CYP26B1: variants seen among roughly 807,000 people sequenced by gnomAD.
The protein encoded by CYP26B1 is cytochrome P450 family 26 subfamily B member 1.
CYP26B1 carries 8 observed loss-of-function variants against 39.1 expected under a neutral mutation model. The observed-to-expected ratio is 0.20, with a 90% confidence interval of 0.12 to 0.37. The LOEUF is 0.37. Among genes scored for constraint, CYP26B1 ranks in the 10% least tolerant of loss-of-function variants. CYP26B1 has a pLI of 1.00. For missense variants in CYP26B1, 615 were observed against 707.0 expected (o/e 0.87, Z 1.48); for synonymous variants, 321 against 314.3 (o/e 1.02, Z -0.23).
chr2:72,139,231 G>C (rs745829269), intron 2 of CYP26B1, among the ~76,000 whole-genome samples: 1 of 152,214 alleles, frequency 6.6e-6, no homozygotes, highest in African/African-American at 2.4e-5. Flanking sequence ...AGCCACCGGA[G>C]CCTCGGCCTG....
rs1676559991 is a variant in CYP26B1, at chr2:72,131,141, T to G, written c.*1086A>C. 1 of 152,596 alleles carries G rather than the reference T, an allele frequency of 6.6e-6. No individual in the cohort carries two copies. The highest frequency in any genetic ancestry group is 1.5e-5 in the Non-Finnish European group (1 of 68,072). The allele number at this position is 152,596 out of a possible 1,614,324, so 9.5% of individuals were successfully genotyped here. On this transcript the variant is annotated 3_prime_UTR_variant, in exon 6 of 6. Transcript: ENST00000001146. ...TGAACAGGGGCCAAACAGGAAATCG[T>G]GGCCGCCTCCAAATCTACCTGATCA...
intron 2 of CYP26B1, 60 bp from the exon 3 acceptor site, chr2:72,135,479 C>T (rs1676744965): frequency 5.6e-6 from 9 of 1,593,694 alleles, no homozygotes; most frequent in Non-Finnish European, 7.7e-6. Context: ...TGGCCAGCCC[C>T]TCACTCTGCC....
intron 1 of CYP26B1, 159 bp from the exon 2 acceptor site, chr2:72,144,372 G>A (rs1293545543): frequency 7.7e-6 from 11 of 1,436,906 alleles, no homozygotes; most frequent in Non-Finnish European, 1.0e-5. Context: ...TTCATAGCGT[G>A]CACAAGAACT....
intron 1 of CYP26B1, among the ~76,000 whole-genome samples, chr2:72,146,904 A>G (rs1677137187): frequency 1.3e-5 from 2 of 152,096 alleles, no homozygotes; most frequent in Admixed American, 1.3e-4. Flanking sequence ...TGCGGCATCT[A>G]ACAAGCACAC....
chr2:72,130,836 T>TTC lies in CYP26B1; in HGVS notation c.*1389_*1390dup, dbSNP rs1676546948. 6.6e-6 allele frequency: 1 copy of TTC among 152,124 alleles called. No individual in the cohort carries two copies. Among genetic ancestry groups the TTC allele is most frequent in the Admixed American group, 6.5e-5 (1 of 15,280 alleles). 9.4% of individuals were successfully genotyped at this position (152,124 alleles called of 1,614,324 possible). On this transcript the variant is annotated 3_prime_UTR_variant, in exon 6 of 6. Transcript: ENST00000001146. ...CTCTTCAGCTTCAGCTGCGGCAGCC[T>TTC]TCCCGCAGCTGTCCGGAGACCACAC...
At position 72,143,977 on chromosome 2, in the gene CYP26B1, C is replaced by T; in HGVS notation, c.429+12G>A. 6.2e-7 allele frequency: 1 copy of T among 1,613,198 alleles called. No individual in the cohort carries two copies. Among genetic ancestry groups the T allele is most frequent in the Non-Finnish European group, 8.5e-7 (1 of 1,179,948 alleles). On this transcript the variant is annotated intron_variant, in intron 2 of 5. Transcript: ENST00000001146. ...GAGGGATTGCGCGGAAGAAAACGGG[C>T]AGAGTTCTTACCTTGCGCTTGTTGC...
Position 72,135,171 on chromosome 2 carries a change from G to A in CYP26B1, c.678C>T (p.Val226=), listed in dbSNP as rs534646511. 19 of 1,613,976 alleles carry A rather than the reference G, an allele frequency of 1.2e-5. No homozygotes were observed. Among genetic ancestry groups the A allele is most frequent in the Middle Eastern group, 1.7e-4 (1 of 6,052 alleles). The part of the protein sequence containing the change: ...QFVDNVFSLP[V]DLPFSGYRRG... ...GCCGGTAGCCACTGAAGGGCAGGTC[G>A]ACAGGCAGGGAGAAGACATTGTCCA... Residue 226 remains valine (V), a synonymous_variant, in exon 3 of 6, where the codon GTC becomes GTT. Coordinates refer to ENST00000001146, the MANE Select transcript of CYP26B1 (RefSeq NM_019885.4).
At chr2:72,134,955 G>T (rs1157156171) in intron 3 of CYP26B1, 39 bp from the exon 4 acceptor site, 2 of 1,610,952 alleles carry the variant, frequency 1.2e-6, no homozygotes. Flanking sequence ...GGAAGGGCAG[G>T]CTCCCATCTG....
intron 2 of CYP26B1, among the ~76,000 whole-genome samples, chr2:72,136,572 G>A (rs186896248): frequency 4.6e-4 from 70 of 152,318 alleles, no homozygotes; most frequent in Non-Finnish European, 4.1e-4. Flanking sequence ...GGAGGCCGGC[G>A]AGGGGCAGAG....
Position 72,144,449 on chromosome 2 carries a change from G to A in CYP26B1, c.205-236C>T, listed in dbSNP as rs1572931035. ...GGAGGCCCAGGGGCACCCCCAGGAG[G>A]CTGTTTTTTGGTAATGACTTTCGAG... is the stretch of plus-strand genomic sequence containing the variant. On this transcript the variant is annotated intron_variant, in intron 1 of 5. Coordinates refer to ENST00000001146, the MANE Select transcript of CYP26B1 (RefSeq NM_019885.4). The A allele has an allele frequency of 4.5e-6, 6 of 1,324,430 alleles. No individual in the cohort carries two copies. In the East Asian group the frequency reaches 1.1e-4, roughly 25 times the overall value. The allele number at this position is 1,324,430 out of a possible 1,614,324, so 82.0% of individuals were successfully genotyped here.
intron 2 of CYP26B1, among the ~76,000 whole-genome samples, chr2:72,135,634 C>T (rs539224006): frequency 7.6e-4 from 116 of 152,272 alleles, no homozygotes; most frequent in Admixed American, 3.1e-3. Flanking sequence ...CAGAGCAGGG[C>T]GGCTGCCCTT....
At chr2:72,133,392 C>T (rs907832276) in intron 4 of CYP26B1, 85 bp from the exon 5 acceptor site, 19 of 1,514,930 alleles carry the variant, frequency 1.3e-5, no homozygotes, top group Admixed American at 3.9e-5. Flanking sequence ...GCCCGTGTGC[C>T]CAGGTCATCT....
chr2:72,146,715 C>T (rs1041353260), intron 1 of CYP26B1, among the ~76,000 whole-genome samples: 1 of 152,210 alleles, frequency 6.6e-6, no homozygotes, highest in African/African-American at 2.4e-5. Context: ...ATACACCTCC[C>T]GCAGTTACTG....
Position 72,130,966 on chromosome 2 carries a change from G to C in CYP26B1, c.*1261C>G, listed in dbSNP as rs956333543. On this transcript the variant is annotated 3_prime_UTR_variant, in exon 6 of 6. Coordinates refer to ENST00000001146, the MANE Select transcript of CYP26B1 (RefSeq NM_019885.4). The stretch of plus-strand genomic sequence containing the variant: ...GCTGGGCTAAGCAGACAGTGGCATA[G>C]AGGTGGAAGGGACTTCAAGGACACC... 1 of 152,686 alleles carries C rather than the reference G, an allele frequency of 6.5e-6. No homozygotes were observed. The highest frequency in any genetic ancestry group is 1.5e-5 in the Non-Finnish European group (1 of 68,160). The allele number at this position is 152,686 out of a possible 1,614,324, so 9.5% of individuals were successfully genotyped here.
At chr2:72,136,914 C>T (rs1676795437) in intron 2 of CYP26B1, among the ~76,000 whole-genome samples, 1 of 152,180 alleles carries the variant, frequency 6.6e-6, no homozygotes, top group Admixed American at 6.5e-5. Flanking sequence ...TTACAGATAG[C>T]AGAGAGCCAC....
intron 2 of CYP26B1, among the ~76,000 whole-genome samples, chr2:72,138,273 GC>G (rs1168775653): frequency 1.3e-5 from 2 of 152,162 alleles, no homozygotes; most frequent in Non-Finnish European, 2.9e-5. Flanking sequence ...AACAACACAG[GC>G]ACTTCCCAAA....
intron 1 of CYP26B1, among the ~76,000 whole-genome samples, chr2:72,144,958 C>G (rs1183659561): frequency 6.6e-6 from 1 of 152,164 alleles, no homozygotes; most frequent in African/African-American, 2.4e-5. Flanking sequence ...CGGCCGGACT[C>G]TCGAAACGGC....
At position 72,143,988 on chromosome 2, in the gene CYP26B1, C is replaced by T. The variant is rs1366892417; in HGVS notation, c.429+1G>A. 6.2e-7 allele frequency: 1 copy of T among 1,613,324 alleles called. No individual in the cohort carries two copies. Among genetic ancestry groups the T allele is most frequent in the African/African-American group, 1.3e-5 (1 of 74,952 alleles). On this transcript the variant is annotated splice_donor_variant, in intron 2 of 5. Transcript: ENST00000001146. LOFTEE classifies it high-confidence loss of function. ...CGGAAGAAAACGGGCAGAGTTCTTA[C>T]CTTGCGCTTGTTGCGGTGGATGTCG...
chr2:72,132,692 C>A, intron 5 of CYP26B1, 73 bp from the exon 6 acceptor site: 1 of 1,532,234 alleles, frequency 6.5e-7, no homozygotes, highest in Non-Finnish European at 8.8e-7. Flanking sequence ...GGACTGCCCC[C>A]TCCCTGCTCA....
Sources: allele counts gnomAD v4.1 joint callset (sites outside exome capture counted in the v4.1 genomes callset), GRCh38; gene constraint gnomAD v4.1.1; transcripts MANE v1.5; gene names NCBI Gene and HGNC (gene_info 2026-07-23, HGNC 2026-07-21).